Variants in CSMD1 observed in about 807,000 individuals in gnomAD.
CSMD1 encodes CUB and sushi domain-containing protein 1.
A neutral mutation model predicts 417.5 loss-of-function variants in CSMD1; 213 were observed. The observed-to-expected ratio is 0.51, with a 90% CI of 0.46 to 0.57. The LOEUF is 0.57. Ranked by LOEUF, CSMD1 falls within the 20% of genes least tolerant of loss-of-function variation. The pLI, the probability that CSMD1 is intolerant of heterozygous loss-of-function variation, is 0.00. For synonymous variants in CSMD1, 2,862 were observed against 1,736.8 expected (o/e 1.65, Z -16.11); for missense variants, 6,923 against 4,529.7 (o/e 1.53, Z -15.17).
At position 4,721,855 on chromosome 8, in the gene CSMD1, G is replaced by T. The variant is rs183781872; in HGVS notation, c.86-84297C>A. The stretch of plus-strand genomic sequence containing the variant: ...AACATGATTCAGCTTTACAAAAGGA[G>T]ATACTGTCATTTGTGAAAACATGGA... On this transcript the variant is annotated intron_variant, in intron 1 of 69. Coordinates refer to ENST00000635120, the MANE Select transcript of CSMD1 (RefSeq NM_033225.6). 1.6e-3 allele frequency among the ~76,000 whole-genome samples: 240 copies of T among 152,260 alleles called. 1 individual carries two copies. The highest frequency in any genetic ancestry group is 5.6e-3 in the African/African-American group (234 of 41,560).
At chr8:3,648,044 C>T (rs1397321573) in intron 7 of CSMD1, among the ~76,000 whole-genome samples, 1 of 152,194 alleles carries the variant, frequency 6.6e-6, no homozygotes, top group Non-Finnish European at 1.5e-5. Flanking sequence ...ACCAGATCTA[C>T]CTGCATGGTT....
intron 3 of CSMD1, among the ~76,000 whole-genome samples, chr8:4,053,440 C>T (rs573851077): frequency 9.9e-5 from 15 of 152,124 alleles, no homozygotes; most frequent in African/African-American, 3.4e-4. Flanking sequence ...TTATCATGGT[C>T]TCGGTGGGGA....
chr8:4,789,677 G>A (rs912275354), intron 1 of CSMD1, among the ~76,000 whole-genome samples: 1 of 152,132 alleles, frequency 6.6e-6, no homozygotes, highest in African/African-American at 2.4e-5. Context: ...AATTTAGCAT[G>A]TTCCAGAATG....
intron 3 of CSMD1, among the ~76,000 whole-genome samples, chr8:4,308,257 T>C (rs990747784): frequency 6.6e-6 from 1 of 152,030 alleles, no homozygotes; most frequent in Non-Finnish European, 1.5e-5. Context: ...TTTTTATGTG[T>C]GTGTGTGTCT....
intron 12 of CSMD1, among the ~76,000 whole-genome samples, chr8:3,417,627 A>C (rs1813237174): frequency 1.3e-5 from 2 of 152,102 alleles, no homozygotes; most frequent in Non-Finnish European, 2.9e-5. Context: ...ATGGCCCAGA[A>C]ATCAGTACAT....
intron 3 of CSMD1, among the ~76,000 whole-genome samples, chr8:4,220,466 A>G (rs1800959338): frequency 6.6e-6 from 1 of 152,224 alleles, no homozygotes. Flanking sequence ...AGAAGACCTC[A>G]TGCATTAATT....
At chr8:4,285,432 C>T (rs187571864) in intron 3 of CSMD1, among the ~76,000 whole-genome samples, 2 of 152,206 alleles carry the variant, frequency 1.3e-5, no homozygotes, top group African/African-American at 4.8e-5. Context: ...TAAGAAACAC[C>T]TAGACAAGGG....
At chr8:3,618,024 C>T (rs2469318) in intron 7 of CSMD1, among the ~76,000 whole-genome samples, 70,109 of 151,674 alleles carry the variant, frequency 0.46, 16,636 homozygotes, top group Middle Eastern at 0.54. Context: ...TGTTTTGAGA[C>T]AGGATCTCAC....
chr8:4,635,033 G>A (rs1242431483), intron 2 of CSMD1, among the ~76,000 whole-genome samples: 1 of 152,082 alleles, frequency 6.6e-6, no homozygotes, highest in Admixed American at 6.5e-5. Context: ...GGAATATCAA[G>A]ATGAAAGCAA....
At chr8:4,262,589 C>G (rs1462515480) in intron 3 of CSMD1, among the ~76,000 whole-genome samples, 1 of 152,142 alleles carries the variant, frequency 6.6e-6, no homozygotes, top group Admixed American at 6.6e-5. Flanking sequence ...TCAGCTCCAA[C>G]TCCTTATCTT....
chr8:4,897,805 G>A (rs1018992282), intron 1 of CSMD1, among the ~76,000 whole-genome samples: 1 of 152,098 alleles, frequency 6.6e-6, no homozygotes, highest in African/African-American at 2.4e-5. Flanking sequence ...TGATACAGAA[G>A]AGACAGAGAC....
intron 3 of CSMD1, among the ~76,000 whole-genome samples, chr8:4,257,029 C>G (rs140992788): frequency 6.6e-6 from 1 of 152,116 alleles, no homozygotes; most frequent in East Asian, 1.9e-4. Context: ...GGGATCAAGC[C>G]ATCTAGGAAA....
chr8:3,736,840 C>A (rs550488878), intron 6 of CSMD1, among the ~76,000 whole-genome samples: 2 of 152,264 alleles, frequency 1.3e-5, no homozygotes, highest in African/African-American at 4.8e-5. Context: ...TGGGATGTTA[C>A]GTATGTCTAC....
At chr8:4,837,665 A>T (rs942710024) in intron 1 of CSMD1, among the ~76,000 whole-genome samples, 1 of 152,192 alleles carries the variant, frequency 6.6e-6, no homozygotes, top group Non-Finnish European at 1.5e-5. Context: ...GTACAAAAAA[A>T]AGTTAGAATA....
intron 30 of CSMD1, among the ~76,000 whole-genome samples, chr8:3,208,032 C>T (rs1661845): frequency 0.021 from 3,121 of 152,198 alleles, 107 homozygotes; most frequent in African/African-American, 0.071. Flanking sequence ...TATGTCAGAC[C>T]TATCTTTCCT....
intron 1 of CSMD1, among the ~76,000 whole-genome samples, chr8:4,739,251 T>C (rs1287654578): frequency 6.6e-6 from 1 of 152,210 alleles, no homozygotes; most frequent in East Asian, 1.9e-4. Context: ...TTCAGCTCTG[T>C]AAATATAGCA....
chr8:4,208,531 A>G (rs1159706400), intron 3 of CSMD1, among the ~76,000 whole-genome samples: 6 of 152,230 alleles, frequency 3.9e-5, no homozygotes, highest in African/African-American at 7.2e-5. Context: ...AGAACAGATT[A>G]TATTTTTAAA....
At chr8:3,723,051 G>C (rs1174146114) in intron 6 of CSMD1, among the ~76,000 whole-genome samples, 2 of 152,152 alleles carry the variant, frequency 1.3e-5, no homozygotes. Context: ...AGGAACTAGC[G>C]CAGCTGCTTT....
At chr8:4,875,004 T>C (rs1328341649) in intron 1 of CSMD1, among the ~76,000 whole-genome samples, 2 of 151,880 alleles carry the variant, frequency 1.3e-5, no homozygotes, top group Non-Finnish European at 2.9e-5. Flanking sequence ...TTCCCTTCTT[T>C]TCTTCCTTTT....
Sources: allele counts gnomAD v4.1 joint callset (sites outside exome capture counted in the v4.1 genomes callset), GRCh38; gene constraint gnomAD v4.1.1; transcripts MANE v1.5; gene names NCBI Gene and HGNC (gene_info 2026-07-23, HGNC 2026-07-21).